The following SMURF2 variants were observed in gnomAD, a reference collection of about 807,000 sequenced individuals.
SMURF2 encodes the protein SMAD specific E3 ubiquitin protein ligase 2.
SMURF2 carries 48 observed loss-of-function variants against 109.6 expected under a neutral mutation model. The ratio of observed to expected loss-of-function variants is 0.44; its 90% CI spans 0.35 to 0.56. SMURF2 has a LOEUF of 0.56. Among genes scored for constraint, SMURF2 ranks in the 20% least tolerant of loss-of-function variants. SMURF2 has a pLI of 0.01. For synonymous variants in SMURF2, 288 were observed against 317.1 expected, an observed-to-expected ratio of 0.91 and a Z score of 0.97; for missense variants, 575 against 909.0, an observed-to-expected ratio of 0.63 and a Z score of 4.72.
rs894734295 is a variant in SMURF2, at chr17:64,611,444, G to A, written c.53-4804C>T. On this transcript the variant is annotated intron_variant, in intron 1 of 18. Transcript: ENST00000262435. ...AATATGCGTTCCCCCCAAAAATCAC[G>A]TCTTCCCCGCAAACCTGCTCCTCCC... 2.4e-4 allele frequency among the ~76,000 whole-genome samples: 37 copies of A among 152,008 alleles called. 1 individual carries two copies. Among genetic ancestry groups the A allele is most frequent in the Admixed American group, 5.9e-4 (9 of 15,238 alleles).
rs935341405 is a variant in SMURF2 at position 64,543,029 on chromosome 17, A to G, written c.*2819T>C. On this transcript the variant is annotated 3_prime_UTR_variant, in exon 19 of 19. Coordinates refer to ENST00000262435, the MANE Select transcript of SMURF2 (RefSeq NM_022739.4). Reference sequence around the variant, plus strand: ...TGGAAAGGCAAGAGTATGAAAACAGATATCACATATCTGAAATAACAATAC... The same window carrying G: ...TGGAAAGGCAAGAGTATGAAAACAGGTATCACATATCTGAAATAACAATAC... The G allele has an allele frequency of 1.3e-5, 2 of 152,186 alleles. No homozygotes were observed. The highest frequency in any genetic ancestry group is 2.9e-5 in the Non-Finnish European group (2 of 68,034). 9.4% of individuals were successfully genotyped at this position (152,186 alleles called of 1,614,324 possible). A position where few individuals can be genotyped will look rare whatever the true frequency, so the allele number is the denominator to read the frequency against.
chr17:64,548,981 T>C (rs1316656000), intron 16 of SMURF2, among the ~76,000 whole-genome samples: 9 of 152,252 alleles, frequency 5.9e-5, no homozygotes, highest in African/African-American at 2.2e-4. Context: ...ATAAATGTTA[T>C]ACATATTGTC....
intron 1 of SMURF2, among the ~76,000 whole-genome samples, chr17:64,648,420 AAG>A (rs1392082774): frequency 1.3e-5 from 2 of 152,184 alleles, no homozygotes; most frequent in Non-Finnish European, 2.9e-5. Flanking sequence ...TGACATCACA[AAG>A]AGAGATCTTA....
rs888476834 is a variant in SMURF2 at position 64,568,356 on chromosome 17, C to A, written c.1016+3442G>T. Among the ~76,000 whole-genome samples, 21 of 152,244 alleles carry A rather than the reference C, an allele frequency of 1.4e-4. 1 individual carries two copies. Among genetic ancestry groups the A allele is most frequent in the Non-Finnish European group, 2.8e-4 (19 of 68,008 alleles). On this transcript the variant is annotated intron_variant, in intron 10 of 18. Transcript: ENST00000262435. ...GCCACACTGAAAGCCGTCCTGGGCC[C>A]AGCCTAAGGGCCGTGAGTTGGACAA... is the stretch of plus-strand genomic sequence containing the variant.
At chr17:64,617,074 A>T in intron 1 of SMURF2, among the ~76,000 whole-genome samples, 1 of 149,180 alleles carries the variant, frequency 6.7e-6, no homozygotes, top group African/African-American at 2.4e-5. Flanking sequence ...CTAAAAAAAA[A>T]AAAAAAAAAA....
chr17:64,649,475 G>A (rs1555693279), intron 1 of SMURF2, among the ~76,000 whole-genome samples: 1 of 152,134 alleles, frequency 6.6e-6, no homozygotes. Flanking sequence ...AAGGAACAGA[G>A]AAGTATAGTT....
chr17:64,546,175 A>T, intron 18 of SMURF2, 88 bp downstream of exon 18: 1 of 1,266,106 alleles, frequency 7.9e-7, no homozygotes, highest in Non-Finnish European at 1.1e-6. Context: ...ATTTAACACT[A>T]GTAAGTACAA....
chr17:64,614,734 ACT>A (rs1197345535), intron 1 of SMURF2, among the ~76,000 whole-genome samples: 1 of 152,084 alleles, frequency 6.6e-6, no homozygotes, highest in African/African-American at 2.4e-5. Flanking sequence ...TACATCATTC[ACT>A]CTCTCATTCA....
intron 1 of SMURF2, among the ~76,000 whole-genome samples, chr17:64,631,318 GAGAGAGAGACAGAGAGAGAGAGAC>G (rs1970344916): frequency 8.5e-6 from 1 of 117,452 alleles, no homozygotes; most frequent in African/African-American, 4.2e-5. Context: ...GAGAGAGAGA[GAGAGAGAGACAGAGAGAGAGAGAC>G]AGAGAGATGA....
chr17:64,657,027 C>T (rs1167876645), intron 1 of SMURF2, among the ~76,000 whole-genome samples: 2 of 152,198 alleles, frequency 1.3e-5, no homozygotes, highest in Non-Finnish European at 2.9e-5. Context: ...AGAACACATG[C>T]AGAACTATTC....
intron 5 of SMURF2, among the ~76,000 whole-genome samples, chr17:64,588,082 T>C (rs1328926563): frequency 6.9e-6 from 1 of 145,878 alleles, no homozygotes; most frequent in Non-Finnish European, 1.5e-5. Flanking sequence ...TAGAAATGTG[T>C]TTATGGTCCA....
rs1227039671 is a variant in SMURF2 at position 64,562,875 on chromosome 17, G to C, written c.1108C>G (p.Arg370Gly). 3 of 1,613,970 alleles carry C rather than the reference G, an allele frequency of 1.9e-6. No individual in the cohort carries two copies. Among genetic ancestry groups the C allele is most frequent in the Non-Finnish European group, 1.7e-6 (2 of 1,180,012 alleles). Residue 370 changes from arginine (R) to glycine (G), a missense_variant, in exon 11 of 19, where the codon CGA becomes GGA. By Grantham distance (125) the Arg-to-Gly change is moderately radical. This residue lies in a region of SMURF2 where 361 missense variants were observed against 612.1 expected (regional missense o/e 0.59). Coordinates refer to ENST00000262435, the MANE Select transcript of SMURF2 (RefSeq NM_022739.4). The part of the protein sequence containing the change: ...TECLTVPRYK[R>G]DLVQKLKILR... ...ATTTTTAGTTTCTGAACCAGGTCTCGCTTGTACCTTGGGACTGTCAGGCAT... is the reference window on the plus strand; with the variant it reads ...ATTTTTAGTTTCTGAACCAGGTCTCCCTTGTACCTTGGGACTGTCAGGCAT...
At chr17:64,627,633 T>C (rs1285828575) in intron 1 of SMURF2, among the ~76,000 whole-genome samples, 6 of 152,184 alleles carry the variant, frequency 3.9e-5, no homozygotes, top group African/African-American at 1.4e-4. Flanking sequence ...AACCCTAATC[T>C]GGACACCTAG....
intron 1 of SMURF2, among the ~76,000 whole-genome samples, chr17:64,618,129 T>A (rs1392403958): frequency 2.0e-5 from 3 of 152,166 alleles, no homozygotes; most frequent in Non-Finnish European, 2.9e-5. Context: ...TGGTGTAAGT[T>A]CACATGTTAA....
rs377120272 is a variant in SMURF2 at position 64,661,404 on chromosome 17, A to G, written c.52+425T>C. Among the ~76,000 whole-genome samples the G allele has an allele frequency of 4.6e-5, 7 of 152,200 alleles. No individual in the cohort carries two copies. The East Asian group carries it at 1.4e-3, about 29-fold the overall frequency. ...CGCACACCCTCCCGTTAAGCGCTCCATCTTTAAGGAGTGTTTACTGCGCGC... is the reference window on the plus strand; with the variant it reads ...CGCACACCCTCCCGTTAAGCGCTCCGTCTTTAAGGAGTGTTTACTGCGCGC... On this transcript the variant is annotated intron_variant, in intron 1 of 18. Transcript: ENST00000262435.
At chr17:64,639,356 C>T (rs782639269) in intron 1 of SMURF2, among the ~76,000 whole-genome samples, 1 of 152,036 alleles carries the variant, frequency 6.6e-6, no homozygotes, top group Non-Finnish European at 1.5e-5. Flanking sequence ...GTGAGTGGAT[C>T]ACTTGAGGTC....
intron 1 of SMURF2, among the ~76,000 whole-genome samples, chr17:64,631,318 GAGAGAGAGAC>G (rs1568203013): frequency 1.7e-4 from 20 of 117,524 alleles, no homozygotes; most frequent in East Asian, 2.2e-4. Flanking sequence ...GAGAGAGAGA[GAGAGAGAGAC>G]AGAGAGAGAG....
intron 5 of SMURF2, among the ~76,000 whole-genome samples, chr17:64,589,455 G>A (rs528127613): frequency 6.6e-6 from 1 of 151,000 alleles, no homozygotes; most frequent in Non-Finnish European, 1.5e-5. Flanking sequence ...TAATGATGTA[G>A]TGTAGATCAG....
chr17:64,564,262 A>G (rs1490708128), intron 10 of SMURF2, among the ~76,000 whole-genome samples: 1 of 152,250 alleles, frequency 6.6e-6, no homozygotes, highest in African/African-American at 2.4e-5. Context: ...TGGTATACCC[A>G]TACAATGGAA....
Sources: allele counts gnomAD v4.1 joint callset (sites outside exome capture counted in the v4.1 genomes callset), GRCh38; gene constraint gnomAD v4.1.1; regional missense constraint gnomAD v4.1.1; transcripts MANE v1.5; gene names NCBI Gene and HGNC (gene_info 2026-07-23, HGNC 2026-07-21).